The following SLC24A4 variants were observed in gnomAD, a reference collection of about 807,000 sequenced individuals.
SLC24A4 encodes sodium/potassium/calcium exchanger 4.
In SLC24A4, 53 loss-of-function variants were observed where a neutral mutation model predicts 79.0. The ratio of observed to expected loss-of-function variants is 0.67; its 90% CI spans 0.54 to 0.84. SLC24A4 has a LOEUF of 0.84. Among genes scored for constraint, SLC24A4 ranks in the 40% least tolerant of loss-of-function variants. SLC24A4 has a pLI of 0.00. For synonymous variants in SLC24A4, 323 were observed against 323.8 expected (o/e 1.00, Z 0.03); for missense variants, 731 against 822.0 (o/e 0.89, Z 1.35).
chr14:92,350,099 G>A (rs1886786094), intron 2 of SLC24A4, among the ~76,000 whole-genome samples: 1 of 152,244 alleles, frequency 6.6e-6, no homozygotes, highest in Non-Finnish European at 1.5e-5. Flanking sequence ...GGTTATGAAT[G>A]TGTTGAGCCC....
chr14:92,356,395 T>C (rs922857796), intron 2 of SLC24A4, among the ~76,000 whole-genome samples: 3 of 152,228 alleles, frequency 2.0e-5, no homozygotes, highest in African/African-American at 7.2e-5. Context: ...TGTTTTTCTT[T>C]CTTGAAAACT....
rs114572577 is a variant in SLC24A4, at chr14:92,375,010, G to A, written c.241+49032G>A. 8.6e-3 allele frequency among the ~76,000 whole-genome samples: 1,309 copies of A among 152,248 alleles called. 22 individuals carry two copies. Among genetic ancestry groups the A allele is most frequent in the African/African-American group, 0.03 (1,256 of 41,548 alleles). On this transcript the variant is annotated intron_variant, in intron 2 of 16. Coordinates refer to ENST00000532405, the MANE Select transcript of SLC24A4 (RefSeq NM_153646.4). ...CAATAACCTAGATCTGGTTAGAAACGAGGCTATGCCCTCTGTCTTCACTCC... is the reference window on the plus strand; with the variant it reads ...CAATAACCTAGATCTGGTTAGAAACAAGGCTATGCCCTCTGTCTTCACTCC...
At chr14:92,404,420 A>G (rs997597900) in intron 2 of SLC24A4, among the ~76,000 whole-genome samples, 1 of 152,198 alleles carries the variant, frequency 6.6e-6, no homozygotes, top group African/African-American at 2.4e-5. Flanking sequence ...CCATGTATGA[A>G]GGCCCAGCAG....
At chr14:92,339,649 G>A (rs1015317077) in intron 2 of SLC24A4, among the ~76,000 whole-genome samples, 1 of 152,066 alleles carries the variant, frequency 6.6e-6, no homozygotes, top group African/African-American at 2.4e-5. Context: ...GGTGGGTATG[G>A]GTGGCGAGTC....
chr14:92,457,139 T>G (rs1049626004), intron 12 of SLC24A4: 1 of 159,776 alleles, frequency 6.3e-6, no homozygotes, highest in African/African-American at 2.4e-5. Context: ...CAGCCAGCCC[T>G]CCAGGGTCCT....
At chr14:92,463,864 C>T (rs1481812037) in intron 12 of SLC24A4, among the ~76,000 whole-genome samples, 3 of 152,256 alleles carry the variant, frequency 2.0e-5, no homozygotes, top group South Asian at 2.1e-4. Flanking sequence ...TTGGACTTAT[C>T]GATTCTGAAT....
At chr14:92,329,679 A>G (rs896500846) in intron 2 of SLC24A4, among the ~76,000 whole-genome samples, 4 of 151,868 alleles carry the variant, frequency 2.6e-5, no homozygotes, top group African/African-American at 9.7e-5. Flanking sequence ...ATTTTTTTCT[A>G]TTTGTTCTGT....
At chr14:92,352,594 A>G (rs938775164) in intron 2 of SLC24A4, among the ~76,000 whole-genome samples, 1 of 152,192 alleles carries the variant, frequency 6.6e-6, no homozygotes, top group Non-Finnish European at 1.5e-5. Context: ...GATGTGTGAC[A>G]TCCTCCTCAT....
intron 2 of SLC24A4, among the ~76,000 whole-genome samples, chr14:92,354,388 T>A (rs1283559698): frequency 1.3e-5 from 2 of 152,054 alleles, no homozygotes; most frequent in South Asian, 4.1e-4. Flanking sequence ...CCTGACCTCG[T>A]GATCTGCCCG....
Position 92,408,523 on chromosome 14 carries a change from C to T in SLC24A4, c.242-25389C>T, listed in dbSNP as rs143494850. On this transcript the variant is annotated intron_variant, in intron 2 of 16. Transcript: ENST00000532405. ...GAGTGAGCCAAGGTAGAAAACCTCC[C>T]GTGGATTGGAGCCAGGTCTGTGTGG... The T allele has an allele frequency of 6.4e-3, 4,523 of 709,614 alleles. 22 individuals are homozygous for T. The highest frequency in any genetic ancestry group is 0.02 in the Middle Eastern group (27 of 1,368). The allele number at this position is 709,614 out of a possible 1,614,324, so 44.0% of individuals were successfully genotyped here.
At chr14:92,434,876 A>C (rs11160065) in intron 3 of SLC24A4, among the ~76,000 whole-genome samples, 111,268 of 152,090 alleles carry the variant, frequency 0.73, 40,998 homozygotes, top group East Asian at 0.98. Context: ...TGGGTTCAAA[A>C]GATTCTCCTG....
At chr14:92,410,185 A>T (rs1039473260) in intron 2 of SLC24A4, among the ~76,000 whole-genome samples, 3 of 152,102 alleles carry the variant, frequency 2.0e-5, no homozygotes, top group Non-Finnish European at 4.4e-5. Context: ...CCTAAAATAA[A>T]TGTTTAAAAA....
chr14:92,481,090 G>A (rs922242363), intron 12 of SLC24A4, among the ~76,000 whole-genome samples: 10 of 152,196 alleles, frequency 6.6e-5, no homozygotes, highest in African/African-American at 1.4e-4. Flanking sequence ...ACACTCAGGC[G>A]GGTAGTTCAC....
At chr14:92,493,356 A>G in intron 16 of SLC24A4, 120 bp from the exon 17 acceptor site, 1 of 1,233,886 alleles carries the variant, frequency 8.1e-7, no homozygotes, top group African/African-American at 1.5e-5. Context: ...GCACCCCGCT[A>G]CACTTGCCCA....
At chr14:92,492,959 A>AC (rs1895772404) in intron 16 of SLC24A4, 15 of 299,262 alleles carry the variant, frequency 5.0e-5, no homozygotes, top group East Asian at 1.1e-4. Flanking sequence ...CTCTACCCCA[A>AC]ACACACACAC....
intron 2 of SLC24A4, among the ~76,000 whole-genome samples, chr14:92,346,922 G>C (rs962648811): frequency 1.3e-5 from 2 of 152,138 alleles, no homozygotes; most frequent in Non-Finnish European, 2.9e-5. Context: ...GTATGCCAGG[G>C]TCCATGATCA....
intron 2 of SLC24A4, among the ~76,000 whole-genome samples, chr14:92,395,250 A>T (rs542777391): frequency 6.6e-6 from 1 of 152,198 alleles, no homozygotes; most frequent in South Asian, 2.1e-4. Context: ...GTTAAGAGTT[A>T]ATCTGGGATG....
At chr14:92,481,092 G>A (rs1207912000) in intron 12 of SLC24A4, among the ~76,000 whole-genome samples, 2 of 152,192 alleles carry the variant, frequency 1.3e-5, no homozygotes, top group Admixed American at 1.3e-4. Context: ...ACTCAGGCGG[G>A]TAGTTCACAA....
chr14:92,387,865 CCTGTGTTAGAAT>C (rs766029111), intron 2 of SLC24A4, among the ~76,000 whole-genome samples: 2 of 152,234 alleles, frequency 1.3e-5, no homozygotes, highest in Non-Finnish European at 2.9e-5. Context: ...CATGTTGTAG[CCTGTGTTAGAAT>C]GTCCTACCTT....
Sources: allele counts gnomAD v4.1 joint callset (sites outside exome capture counted in the v4.1 genomes callset), GRCh38; gene constraint gnomAD v4.1.1; transcripts MANE v1.5; gene names NCBI Gene and HGNC (gene_info 2026-07-23, HGNC 2026-07-21).